The following MAGI2 variants were observed in gnomAD, a reference collection of about 807,000 sequenced individuals.
The protein encoded by MAGI2 is membrane associated guanylate kinase, WW and PDZ domain containing 2.
In MAGI2, 35 loss-of-function variants were observed where a neutral mutation model predicts 133.3. The observed-to-expected ratio is 0.26, with a 90% CI of 0.20 to 0.35. The LOEUF (loss-of-function observed/expected upper bound fraction) is 0.35, where lower values mean the gene tolerates loss of function less well. Among genes scored for constraint, MAGI2 ranks in the 10% least tolerant of loss-of-function variants. MAGI2 has a pLI of 1.00. For synonymous variants in MAGI2, 729 were observed against 710.6 expected, an observed-to-expected ratio of 1.03 and a Z score of -0.41; for missense variants, 1,636 against 1,863.4, an observed-to-expected ratio of 0.88 and a Z score of 2.25.
In MAGI2 at chr7:79,188,758, C is replaced by T. The variant is rs185138440; in HGVS notation, c.302-181552G>A. 2.3e-3 allele frequency among the ~76,000 whole-genome samples: 352 copies of T among 151,728 alleles called. 5 individuals carry two copies. Among genetic ancestry groups the T allele is most frequent in the African/African-American group, 7.9e-3 (327 of 41,322 alleles). ...AAAATTTATGTAAGCAATGAATTAA[C>T]ATTAAATGAAAAATGTAAATGAAAT... is the stretch of plus-strand genomic sequence containing the variant. On this transcript the variant is annotated intron_variant, in intron 1 of 21. Coordinates refer to ENST00000354212, the MANE Select transcript of MAGI2 (RefSeq NM_012301.4).
At chr7:78,758,341 TGTA>T (rs1563464138) in intron 2 of MAGI2, among the ~76,000 whole-genome samples, 2 of 152,166 alleles carry the variant, frequency 1.3e-5, no homozygotes, top group South Asian at 2.1e-4. Flanking sequence ...AATACGTACT[TGTA>T]GTACGAATGA....
At chr7:79,315,325 A>ATTTTT (rs775143230) in intron 1 of MAGI2, among the ~76,000 whole-genome samples, 7 of 92,480 alleles carry the variant, frequency 7.6e-5, no homozygotes, top group Admixed American at 1.3e-4. Flanking sequence ...TGCCCAGTTA[A>ATTTTT]TTTTTTTTTT....
intron 6 of MAGI2, among the ~76,000 whole-genome samples, chr7:78,445,897 A>G (rs577987007): frequency 1.3e-5 from 2 of 151,556 alleles, no homozygotes; most frequent in South Asian, 4.2e-4. Context: ...TCTTTCATAT[A>G]TTTGTTTCCT....
Position 78,601,257 on chromosome 7 carries a change from A to C in MAGI2, c.538+25863T>G, listed in dbSNP as rs542357023. 9.9e-5 allele frequency among the ~76,000 whole-genome samples: 15 copies of C among 152,278 alleles called. No homozygotes were observed. In the South Asian group the frequency reaches 1.2e-3, roughly 13 times the overall value. Reference sequence around the variant, plus strand: ...CAAAATGAACATAAATCCCTTACCAAGTGTACATGTATAATGAAGAAGTTA... The same window carrying C: ...CAAAATGAACATAAATCCCTTACCACGTGTACATGTATAATGAAGAAGTTA... On this transcript the variant is annotated intron_variant, in intron 3 of 21. Coordinates refer to ENST00000354212, the MANE Select transcript of MAGI2 (RefSeq NM_012301.4).
At chr7:78,173,260 G>A (rs2691526) in intron 14 of MAGI2, among the ~76,000 whole-genome samples, 128,366 of 152,212 alleles carry the variant, frequency 0.84, 54,310 homozygotes, top group East Asian at 0.91. Flanking sequence ...CTGCATTCAC[G>A]CATCTGAGCT....
chr7:79,131,574 C>G (rs1281586878), intron 1 of MAGI2, among the ~76,000 whole-genome samples: 1 of 152,154 alleles, frequency 6.6e-6, no homozygotes, highest in Non-Finnish European at 1.5e-5. Flanking sequence ...AACTGAAGCT[C>G]TGTCAAGCTG....
Position 78,827,566 on chromosome 7 carries a change from A to G in MAGI2, c.418+179524T>C, listed in dbSNP as rs79351438. 5.0e-3 allele frequency among the ~76,000 whole-genome samples: 764 copies of G among 152,150 alleles called. 11 individuals are homozygous for G. Among genetic ancestry groups the G allele is most frequent in the African/African-American group, 0.018 (730 of 41,526 alleles). ...TGCTGGGAATACATGGCGGCTCACC[A>G]TGGTGCACCCAGCCTCTTTAGGAAA... On this transcript the variant is annotated intron_variant, in intron 2 of 21. Transcript: ENST00000354212.
intron 1 of MAGI2, among the ~76,000 whole-genome samples, chr7:79,157,613 C>A (rs1460950543): frequency 6.6e-6 from 1 of 150,830 alleles, no homozygotes; most frequent in Non-Finnish European, 1.5e-5. Flanking sequence ...CAAGAACAAG[C>A]AGAATGACCC....
intron 1 of MAGI2, among the ~76,000 whole-genome samples, chr7:79,120,738 A>T (rs1217575122): frequency 3.3e-5 from 5 of 152,008 alleles, no homozygotes; most frequent in African/African-American, 4.8e-5. Context: ...GTTGTTACAA[A>T]TTTTATTTAA....
Position 78,139,861 on chromosome 7 carries a change from A to G in MAGI2, c.2846-4655T>C, listed in dbSNP as rs556702200. Among the ~76,000 whole-genome samples, 5 of 152,348 alleles carry G rather than the reference A, an allele frequency of 3.3e-5. No homozygotes were observed. In the East Asian group the frequency reaches 7.7e-4, roughly 23 times the overall value. ...TCTTTATTCCTTTATAGATAAAACA[A>G]TATTGTCTACTTATATTGCAACATG... On this transcript the variant is annotated intron_variant, in intron 16 of 21. Coordinates refer to ENST00000354212, the MANE Select transcript of MAGI2 (RefSeq NM_012301.4).
At chr7:78,920,110 A>G (rs1399957880) in intron 2 of MAGI2, among the ~76,000 whole-genome samples, 1 of 152,122 alleles carries the variant, frequency 6.6e-6, no homozygotes, top group Non-Finnish European at 1.5e-5. Flanking sequence ...CTCTATGAAG[A>G]ATCATAAAGA....
intron 2 of MAGI2, among the ~76,000 whole-genome samples, chr7:78,731,357 C>G (rs1821352621): frequency 6.6e-6 from 1 of 152,094 alleles, no homozygotes; most frequent in African/African-American, 2.4e-5. Context: ...TTTATCTCTA[C>G]TTGGTTTCTC....
chr7:79,227,329 G>C (rs867440922), intron 1 of MAGI2, among the ~76,000 whole-genome samples: 1 of 152,058 alleles, frequency 6.6e-6, no homozygotes, highest in Non-Finnish European at 1.5e-5. Flanking sequence ...CTCTCCATGC[G>C]GAGTGTTGTT....
chr7:79,379,354 T>C (rs553540951), intron 1 of MAGI2, among the ~76,000 whole-genome samples: 35 of 151,958 alleles, frequency 2.3e-4, no homozygotes, highest in Non-Finnish European at 4.3e-4. Context: ...CTTAATCCAG[T>C]CTATCATTGA....
chr7:78,452,906 G>T (rs1788878850), intron 6 of MAGI2, among the ~76,000 whole-genome samples: 2 of 151,722 alleles, frequency 1.3e-5, no homozygotes, highest in South Asian at 4.2e-4. Flanking sequence ...GATCATTTTA[G>T]TCTCTTGCAT....
At position 79,095,132 on chromosome 7, in the gene MAGI2, A is replaced by G. The variant is rs1463083517; in HGVS notation, c.302-87926T>C. On this transcript the variant is annotated intron_variant, in intron 1 of 21. Transcript: ENST00000354212. Reference sequence around the variant, plus strand: ...GTTGTTTGGGTAGCTACCCTCATCAATTATCTTAGCTAGATCTTCTGGATA... The same window carrying G: ...GTTGTTTGGGTAGCTACCCTCATCAGTTATCTTAGCTAGATCTTCTGGATA... Among the ~76,000 whole-genome samples the G allele has an allele frequency of 2.0e-5, 3 of 152,292 alleles. No homozygotes were observed. The East Asian group carries it at 5.8e-4, about 29-fold the overall frequency.
At chr7:78,514,447 G>C (rs1388145200) in intron 4 of MAGI2, among the ~76,000 whole-genome samples, 1 of 152,016 alleles carries the variant, frequency 6.6e-6, no homozygotes, top group Non-Finnish European at 1.5e-5. Flanking sequence ...TTTATAGATG[G>C]AATATCTAAT....
At chr7:78,804,766 A>C (rs13243185) in intron 2 of MAGI2, among the ~76,000 whole-genome samples, 5 of 39,970 alleles carry the variant, frequency 1.3e-4, no homozygotes, top group Non-Finnish European at 1.4e-4. Context: ...AAAAAAAAAA[A>C]AAAAAACCTT....
At chr7:78,236,221 A>G (rs1364962772) in intron 10 of MAGI2, among the ~76,000 whole-genome samples, 2 of 152,154 alleles carry the variant, frequency 1.3e-5, no homozygotes, top group Non-Finnish European at 2.9e-5. Context: ...ACATTTATGG[A>G]ATGAACAAAG....
Sources: allele counts gnomAD v4.1 joint callset (sites outside exome capture counted in the v4.1 genomes callset), GRCh38; gene constraint gnomAD v4.1.1; transcripts MANE v1.5; gene names NCBI Gene and HGNC (gene_info 2026-07-23, HGNC 2026-07-21).